The following DLG2 variants were observed in gnomAD, a reference collection of about 807,000 sequenced individuals.
DLG2 encodes discs large MAGUK scaffold protein 2.
Under a neutral mutation model 132.5 loss-of-function variants are expected in DLG2, and 45 were observed. The observed-to-expected ratio is 0.34, with a 90% CI of 0.27 to 0.44. The LOEUF (loss-of-function observed/expected upper bound fraction) is 0.44. Among genes scored for constraint, DLG2 ranks in the 20% least tolerant of loss-of-function variants. DLG2 has a pLI of 1.00. For missense variants in DLG2, 1,045 were observed against 1,196.9 expected (o/e 0.87, Z 1.87); for synonymous variants, 424 against 419.6 (o/e 1.01, Z -0.13).
intron 6 of DLG2, among the ~76,000 whole-genome samples, chr11:84,926,200 A>G (rs908735780): frequency 1.3e-5 from 2 of 152,052 alleles, no homozygotes. Context: ...AAGAAAAAAC[A>G]TAAAAGTTAG....
chr11:84,699,619 A>G (rs577352289), intron 6 of DLG2, among the ~76,000 whole-genome samples: 1 of 151,686 alleles, frequency 6.6e-6, no homozygotes, highest in Non-Finnish European at 1.5e-5. Context: ...CTTGCTTAGA[A>G]TCTGGTACAG....
chr11:84,599,064 G>A (rs111572903), intron 6 of DLG2, among the ~76,000 whole-genome samples: 10,548 of 151,858 alleles, frequency 0.069, 426 homozygotes, highest in South Asian at 0.1. Flanking sequence ...GGACAACATG[G>A]TGAAACCCCA....
At chr11:84,865,784 T>C (rs2084461479) in intron 6 of DLG2, among the ~76,000 whole-genome samples, 1 of 152,208 alleles carries the variant, frequency 6.6e-6, no homozygotes, top group Non-Finnish European at 1.5e-5. Flanking sequence ...AAAAATCCAC[T>C]TTCACAAGTT....
intron 7 of DLG2, among the ~76,000 whole-genome samples, chr11:84,450,470 G>T (rs1000514809): frequency 6.6e-6 from 1 of 150,654 alleles, no homozygotes; most frequent in African/African-American, 2.4e-5. Flanking sequence ...GAAAACATGA[G>T]ATGTGTTTGA....
chr11:83,488,483 A>G (rs1325269745), intron 21 of DLG2, among the ~76,000 whole-genome samples: 1 of 151,994 alleles, frequency 6.6e-6, no homozygotes, highest in Non-Finnish European at 1.5e-5. Flanking sequence ...AAAAAACTCA[A>G]ATTATTTTCC....
rs1006284507 is a variant in DLG2 at position 84,858,904 on chromosome 11, T to C, written c.357+252757A>G. On this transcript the variant is annotated intron_variant, in intron 6 of 27. Coordinates refer to ENST00000376104, the MANE Select transcript of DLG2 (RefSeq NM_001142699.3). ...ATTTTAAAACTAACATCATGGGAAA[T>C]AGTAGAAAGAGGAGAGGAAGCAGAT... 2.6e-5 allele frequency among the ~76,000 whole-genome samples: 4 copies of C among 152,016 alleles called. No homozygotes were observed. The South Asian group carries it at 6.2e-4, about 24-fold the overall frequency.
intron 11 of DLG2, among the ~76,000 whole-genome samples, chr11:84,037,351 A>T (rs997789216): frequency 8.5e-5 from 13 of 152,154 alleles, no homozygotes; most frequent in Admixed American, 3.9e-4. Flanking sequence ...GGGAAAGAAT[A>T]GAGTATCAAA....
chr11:83,998,674 T>C (rs947997715), intron 11 of DLG2, among the ~76,000 whole-genome samples: 3 of 152,138 alleles, frequency 2.0e-5, no homozygotes, highest in African/African-American at 7.2e-5. Flanking sequence ...TAAGGATCTA[T>C]GCAGAAATTC....
intron 6 of DLG2, among the ~76,000 whole-genome samples, chr11:84,705,819 C>A (rs1382847878): frequency 2.0e-5 from 3 of 151,724 alleles, no homozygotes; most frequent in Non-Finnish European, 4.4e-5. Flanking sequence ...TTCAACAGGT[C>A]CTTCTTTGAA....
chr11:85,353,654 A>G (rs1367695865), intron 3 of DLG2, among the ~76,000 whole-genome samples: 2 of 152,224 alleles, frequency 1.3e-5, no homozygotes, highest in Non-Finnish European at 2.9e-5. Context: ...AATACTATGC[A>G]GCTATAAAGA....
intron 5 of DLG2, among the ~76,000 whole-genome samples, chr11:85,129,944 A>C (rs2075533111): frequency 6.6e-6 from 1 of 152,170 alleles, no homozygotes; most frequent in African/African-American, 2.4e-5. Flanking sequence ...TTCTCAGCAA[A>C]CTAACACAGG....
intron 6 of DLG2, among the ~76,000 whole-genome samples, chr11:84,554,826 T>C (rs555993383): frequency 6.6e-6 from 1 of 152,108 alleles, no homozygotes; most frequent in African/African-American, 2.4e-5. Flanking sequence ...ACCATATTCA[T>C]TAGAGAATGT....
intron 21 of DLG2, among the ~76,000 whole-genome samples, chr11:83,492,705 C>G (rs1441862504): frequency 2.6e-5 from 4 of 152,052 alleles, no homozygotes; most frequent in Non-Finnish European, 5.9e-5. Flanking sequence ...CTCTCTTTCT[C>G]TCATACCCCA....
chr11:85,516,988 G>A (rs922046573), intron 3 of DLG2, among the ~76,000 whole-genome samples: 1 of 151,844 alleles, frequency 6.6e-6, no homozygotes, highest in Non-Finnish European at 1.5e-5. Context: ...AAAAACTACA[G>A]ACCAGTATCC....
intron 7 of DLG2, among the ~76,000 whole-genome samples, chr11:84,296,333 G>A (rs1282382775): frequency 6.6e-6 from 1 of 152,164 alleles, no homozygotes; most frequent in Non-Finnish European, 1.5e-5. Context: ...GTGAGAAACA[G>A]ACAGGATTCC....
chr11:85,414,192 A>C (rs909997828), intron 3 of DLG2, among the ~76,000 whole-genome samples: 1 of 151,950 alleles, frequency 6.6e-6, no homozygotes, highest in African/African-American at 2.4e-5. Flanking sequence ...CAATTTGATT[A>C]TCAGCTTTGT....
intron 7 of DLG2, among the ~76,000 whole-genome samples, chr11:84,299,588 AAAG>A (rs752668712): frequency 7.9e-5 from 12 of 152,176 alleles, no homozygotes; most frequent in Non-Finnish European, 8.8e-5. Flanking sequence ...GAAGAGCAAG[AAAG>A]AAGAAGAATG....
At chr11:83,874,621 T>C in intron 15 of DLG2, 133 bp from the exon 16 acceptor site, 1 of 527,250 alleles carries the variant, frequency 1.9e-6, no homozygotes, top group Non-Finnish European at 3.2e-6. Flanking sequence ...TGTGCCATGT[T>C]GGTGTGCTGC....
At chr11:84,202,699 A>G (rs1186481765) in intron 8 of DLG2, among the ~76,000 whole-genome samples, 1 of 152,178 alleles carries the variant, frequency 6.6e-6, no homozygotes, top group Non-Finnish European at 1.5e-5. Flanking sequence ...AAATGGGAGA[A>G]TATTTTTGCA....
Sources: gnomAD v4.1 joint callset for allele counts (sites outside exome capture counted in the v4.1 genomes callset) on GRCh38, gnomAD v4.1.1 for gene constraint, MANE v1.5 for transcripts, NCBI Gene and HGNC (gene_info 2026-07-23, HGNC 2026-07-21) for gene names.